KIF13B: variants seen among roughly 807,000 people sequenced by gnomAD.
KIF13B encodes kinesin-like protein KIF13B.
A neutral mutation model predicts 222.0 loss-of-function variants in KIF13B; 127 were observed. That is an observed-to-expected ratio of 0.57 (90% CI 0.50 to 0.66). The LOEUF is 0.66. KIF13B is among the 30% of genes least tolerant of loss of function. KIF13B has a pLI of 0.00. For missense variants in KIF13B, 2,173 were observed against 2,379.0 expected (o/e 0.91, Z 1.80); for synonymous variants, 976 against 919.0 (o/e 1.06, Z -1.12).
intron 1 of KIF13B, among the ~76,000 whole-genome samples, chr8:29,254,743 C>CA (rs1259910813): frequency 2.6e-4 from 40 of 152,258 alleles, no homozygotes; most frequent in African/African-American, 8.9e-4. Context: ...AACAGTTCCT[C>CA]AAAAGTTAGT....
intron 11 of KIF13B, 107 bp downstream of exon 11, chr8:29,167,266 A>G: frequency 1.2e-6 from 1 of 865,786 alleles, no homozygotes; most frequent in Non-Finnish European, 1.8e-6. Context: ...GAAATTCGCA[A>G]ATTTTAAGTA....
At chr8:29,120,171 T>G (rs947648597) in intron 29 of KIF13B, among the ~76,000 whole-genome samples, 5 of 40,724 alleles carry the variant, frequency 1.2e-4, no homozygotes, top group East Asian at 6.4e-4. Flanking sequence ...TGACAGTTTT[T>G]TTTTTTTTTT....
At chr8:29,138,727 G>A (rs2129909690) in intron 21 of KIF13B, 1 of 152,228 alleles carries the variant, frequency 6.6e-6, no homozygotes, top group African/African-American at 2.4e-5. Context: ...TCCAGACTAT[G>A]GGAAACTGCA....
At chr8:29,249,974 T>C (rs374456601) in intron 1 of KIF13B, 2 of 1,238,006 alleles carry the variant, frequency 1.6e-6, no homozygotes, top group East Asian at 5.6e-5. Context: ...TTTTCAAACA[T>C]GCAATTTTAC....
intron 17 of KIF13B, 60 bp from the exon 18 acceptor site, chr8:29,146,600 A>G: frequency 1.4e-6 from 2 of 1,469,542 alleles, no homozygotes; most frequent in South Asian, 2.4e-5. Context: ...GCAGCTAGTC[A>G]GAAAATCATA....
rs374568305 is a variant in KIF13B, at chr8:29,099,109, T to C, written c.4324+24A>G. The C allele has an allele frequency of 5.9e-6, 9 of 1,525,256 alleles. 1 individual carries two copies. Among genetic ancestry groups the C allele is most frequent in the Middle Eastern group, 3.4e-4 (2 of 5,926 alleles). 94.5% of individuals were successfully genotyped at this position (1,525,256 alleles called of 1,614,324 possible). On this transcript the variant is annotated intron_variant, in intron 36 of 39. Transcript: ENST00000524189. ...AAGATGCTCAGATTTCTGACAGTAA[T>C]TGACAAGTGAAAAGATAACTTACCT...
chr8:29,110,189 G>A, intron 32 of KIF13B, 119 bp from the exon 33 acceptor site: 1 of 819,692 alleles, frequency 1.2e-6, no homozygotes, highest in East Asian at 2.7e-5. Context: ...GTCAGCTTTG[G>A]AACGCCAAAG....
At chr8:29,118,327 TAAA>T (rs1208760858) in intron 30 of KIF13B, among the ~76,000 whole-genome samples, 154 of 120,646 alleles carry the variant, frequency 1.3e-3, no homozygotes, top group African/African-American at 4.6e-3. Flanking sequence ...CCATCTCTAC[TAAA>T]AAAAAAAAAA....
chr8:29,209,885 CA>C (rs11414197), intron 2 of KIF13B, among the ~76,000 whole-genome samples: 313 of 107,496 alleles, frequency 2.9e-3, no homozygotes, highest in African/African-American at 0.011. Flanking sequence ...TACCTCTCCA[CA>C]AAAAAAAAAA....
chr8:29,140,325 G>C, intron 20 of KIF13B, 134 bp from the exon 21 acceptor site: 1 of 1,399,514 alleles, frequency 7.1e-7, no homozygotes, highest in Non-Finnish European at 9.7e-7. Flanking sequence ...GTCTCTGACA[G>C]TTACTCTACC....
rs759912737 is a variant in KIF13B, at chr8:29,070,650, T to C, written c.5335A>G (p.Thr1779Ala). The C allele has an allele frequency of 1.9e-4, 295 of 1,564,676 alleles. No homozygotes were observed. Among genetic ancestry groups the C allele is most frequent in the Non-Finnish European group, 2.4e-4 (282 of 1,154,776 alleles). ...RATGPVRRRS[T>A]GLRLGAPEAR... Reference sequence around the variant, plus strand: ...TCGGGGGCACCCAGCCGGAGTCCTGTGCTGCGCCGCCGCACAGGGCCCGTG... The same window carrying C: ...TCGGGGGCACCCAGCCGGAGTCCTGCGCTGCGCCGCCGCACAGGGCCCGTG... Residue 1779 changes from threonine (T) to alanine (A), a missense_variant, in exon 40 of 40, where the codon ACA (threonine) becomes GCA (alanine). Thr to Ala is a moderately conservative substitution (Grantham distance 58, BLOSUM62 0). Around this residue, in one of 2 missense-constraint regions of KIF13B, gnomAD observed 693 missense variants for 656.2 expected, o/e 1.06. Coordinates refer to ENST00000524189, the MANE Select transcript of KIF13B (RefSeq NM_015254.4). This position sits in a 1 kb window ranked among gnomAD's most constrained non-coding sequence, Gnocchi z 4.1.
chr8:29,171,908 C>A (rs1031156754), intron 10 of KIF13B, among the ~76,000 whole-genome samples: 2 of 150,680 alleles, frequency 1.3e-5, no homozygotes, highest in Admixed American at 6.6e-5. Context: ...CAGGTGCACA[C>A]CACTACTCCC....
intron 31 of KIF13B, among the ~76,000 whole-genome samples, chr8:29,113,932 T>C (rs1809476299): frequency 6.6e-6 from 1 of 152,164 alleles, no homozygotes; most frequent in South Asian, 2.1e-4. Context: ...ATGCTTACAC[T>C]TTTTTTCTCC....
intron 24 of KIF13B, 97 bp downstream of exon 24, chr8:29,130,436 C>T (rs1219206218): frequency 3.2e-6 from 4 of 1,258,790 alleles, no homozygotes; most frequent in Middle Eastern, 1.9e-4. Flanking sequence ...CTTGGCCAGT[C>T]TAGATTTCAT....
At chr8:29,072,395 A>G in intron 38 of KIF13B, 79 bp from the exon 39 acceptor site, 1 of 1,022,212 alleles carries the variant, frequency 9.8e-7, no homozygotes, top group Non-Finnish European at 1.3e-6. Context: ...TGACTTGGAA[A>G]AGAGCATGAG....
At chr8:29,089,135 A>T (rs1808176373) in intron 37 of KIF13B, among the ~76,000 whole-genome samples, 1 of 152,130 alleles carries the variant, frequency 6.6e-6, no homozygotes, top group Non-Finnish European at 1.5e-5. Flanking sequence ...AGCACTTGGG[A>T]CCCACAATCT....
chr8:29,143,934 T>C (rs1227900241), intron 18 of KIF13B, among the ~76,000 whole-genome samples: 1 of 152,022 alleles, frequency 6.6e-6, no homozygotes, highest in African/African-American at 2.4e-5. Flanking sequence ...CTCTGAAGTT[T>C]TTCCAGCTTA....
At chr8:29,255,753 T>A (rs1477562926) in intron 1 of KIF13B, among the ~76,000 whole-genome samples, 1 of 152,162 alleles carries the variant, frequency 6.6e-6, no homozygotes, top group Non-Finnish European at 1.5e-5. Context: ...ATCCTGAAAA[T>A]GAACACTGAC....
chr8:29,109,328 G>C (rs899633190), intron 34 of KIF13B, 106 bp downstream of exon 34: 7 of 869,408 alleles, frequency 8.1e-6, no homozygotes, highest in Admixed American at 3.7e-5. Context: ...CCTGGCAAGG[G>C]AAGGGTTTCG....
Sources: gnomAD v4.1 joint callset for allele counts (sites outside exome capture counted in the v4.1 genomes callset) on GRCh38, gnomAD v4.1.1 for gene constraint, gnomAD v4.1.1 regional missense constraint, Gnocchi (gnomAD v3.1) non-coding constraint, MANE v1.5 for transcripts, NCBI Gene and HGNC (gene_info 2026-07-23, HGNC 2026-07-21) for gene names.